CRMP1: variants seen among roughly 807,000 people sequenced by gnomAD.
CRMP1 encodes the protein dihydropyrimidinase-related protein 1.
CRMP1 carries 19 observed loss-of-function variants against 68.3 expected under a neutral mutation model. That is an observed-to-expected ratio of 0.28 (90% CI 0.19 to 0.41). The LOEUF is 0.41. CRMP1 is among the 10% of genes least tolerant of loss of function. The pLI, the probability that CRMP1 is intolerant of heterozygous loss-of-function variation, is 1.00. For missense variants in CRMP1, 791 were observed against 967.4 expected, an observed-to-expected ratio of 0.82 and a Z score of 2.42; for synonymous variants, 439 against 399.6, an observed-to-expected ratio of 1.10 and a Z score of -1.18.
chr4:5,833,969 C>T (rs1720552758), intron 11 of CRMP1, among the ~76,000 whole-genome samples: 1 of 152,182 alleles, frequency 6.6e-6, no homozygotes, highest in Non-Finnish European at 1.5e-5. Context: ...TGGCGTGAAC[C>T]CGGGAGGCGG....
rs1248558097 is a variant in CRMP1 at position 5,861,391 on chromosome 4, G to A, written c.471-181C>T. Among the ~76,000 whole-genome samples, 2 of 152,208 alleles carry A rather than the reference G, an allele frequency of 1.3e-5. No individual in the cohort carries two copies. The highest frequency in any genetic ancestry group is 2.9e-5 in the Non-Finnish European group (2 of 68,038). Reference sequence around the variant, plus strand: ...CAAGGGGCTCATAGTCTAATAGGACGTAAGACAGGTGGGCAGACTGTTAGA... The same window carrying A: ...CAAGGGGCTCATAGTCTAATAGGACATAAGACAGGTGGGCAGACTGTTAGA... On this transcript the variant is annotated intron_variant, in intron 2 of 13. Transcript: ENST00000324989. The surrounding 1 kb of genome is among the most constrained non-coding windows in gnomAD (Gnocchi z 6.0).
chr4:5,856,732 G>A (rs954144756), intron 3 of CRMP1, among the ~76,000 whole-genome samples: 9 of 147,668 alleles, frequency 6.1e-5, no homozygotes, highest in African/African-American at 1.3e-4. Flanking sequence ...TATCATTATC[G>A]CTCATCACTA....
rs1050589717 is a variant in CRMP1, at chr4:5,866,006, C to T, written c.470+662G>A. The stretch of plus-strand genomic sequence containing the variant: ...CTGACGGCAGCTTGATCCGGGACTT[C>T]CAGCCTCCAGAACTATGAGAAATAA... On this transcript the variant is annotated intron_variant, in intron 2 of 13. Transcript: ENST00000324989. The surrounding 1 kb of genome is among the most constrained non-coding windows in gnomAD (Gnocchi z 5.9). 2.0e-5 allele frequency among the ~76,000 whole-genome samples: 3 copies of T among 152,178 alleles called. No homozygotes were observed. Among genetic ancestry groups the T allele is most frequent in the African/African-American group, 7.2e-5 (3 of 41,442 alleles).
chr4:5,873,259 C>G (rs1714587391), intron 1 of CRMP1, among the ~76,000 whole-genome samples: 1 of 152,166 alleles, frequency 6.6e-6, no homozygotes, highest in South Asian at 2.1e-4. Context: ...AGCATTCCCT[C>G]TAAGCTTAGA....
At chr4:5,832,917 CA>C (rs1031360930) in intron 11 of CRMP1, among the ~76,000 whole-genome samples, 45 of 152,258 alleles carry the variant, frequency 3.0e-4, no homozygotes, top group African/African-American at 1.1e-3. Context: ...AAGATGAGGT[CA>C]CATTGGGGTG....
chr4:5,887,298 G>A, intron 1 of CRMP1: 1 of 945,370 alleles, frequency 1.1e-6, no homozygotes. Flanking sequence ...TGAGCAGGCT[G>A]GGTCTCCAGT....
At chr4:5,863,844 C>T (rs912192859) in intron 2 of CRMP1, among the ~76,000 whole-genome samples, 3 of 152,140 alleles carry the variant, frequency 2.0e-5, no homozygotes, top group Non-Finnish European at 4.4e-5. Flanking sequence ...AGGTGGTCCC[C>T]GGCTCTTCCA....
chr4:5,875,648 A>G (rs1371695777), intron 1 of CRMP1, among the ~76,000 whole-genome samples: 1 of 152,098 alleles, frequency 6.6e-6, no homozygotes, highest in Non-Finnish European at 1.5e-5. Flanking sequence ...AGCCAAATAA[A>G]CATTAGATAC....
rs1455459944 is a variant in CRMP1, at chr4:5,889,059, A to T, written c.381+3530T>A. Reference sequence around the variant, plus strand: ...TCTCCCTGAATAGTCTACCCCAGACAAAAGCCTGTCCACTCCCCTAGACCC... The same window carrying T: ...TCTCCCTGAATAGTCTACCCCAGACTAAAGCCTGTCCACTCCCCTAGACCC... On this transcript the variant is annotated intron_variant, in intron 1 of 13. Transcript: ENST00000324989. The surrounding 1 kb of genome is among the most constrained non-coding windows in gnomAD (Gnocchi z 4.5). Among the ~76,000 whole-genome samples the T allele has an allele frequency of 2.0e-5, 3 of 152,122 alleles. No individual in the cohort carries two copies. The East Asian group carries it at 5.8e-4, about 30-fold the overall frequency.
At chr4:5,830,575 C>T (rs901022672) in intron 11 of CRMP1, among the ~76,000 whole-genome samples, 2 of 152,214 alleles carry the variant, frequency 1.3e-5, no homozygotes, top group African/African-American at 4.8e-5. Flanking sequence ...TGTTCTAACA[C>T]AATTGGATGA....
chr4:5,846,135 A>C (rs1394887110), intron 6 of CRMP1, among the ~76,000 whole-genome samples: 1 of 152,142 alleles, frequency 6.6e-6, no homozygotes, highest in East Asian at 1.9e-4. Flanking sequence ...ATCACTACTA[A>C]AAATACAAAA....
At chr4:5,847,359 G>C (rs1560499444) in intron 6 of CRMP1, among the ~76,000 whole-genome samples, 1 of 152,166 alleles carries the variant, frequency 6.6e-6, no homozygotes, top group Non-Finnish European at 1.5e-5. Context: ...AGAACCATGG[G>C]AAGGGGTGAT....
rs1455565252 is a variant in CRMP1 at position 5,890,426 on chromosome 4, G to A, written c.381+2163C>T. 2.0e-5 allele frequency among the ~76,000 whole-genome samples: 3 copies of A among 152,278 alleles called. No homozygotes were observed. The highest frequency in any genetic ancestry group is 4.8e-5 in the African/African-American group (2 of 41,584). ...AGCCCAGGGAGAAGCCTGGTGGGCG[G>A]GGGGGGAAGGGCCGGGGCACCCGTT... On this transcript the variant is annotated intron_variant, in intron 1 of 13. Transcript: ENST00000324989. The surrounding 1 kb of genome is among the most constrained non-coding windows in gnomAD (Gnocchi z 5.5).
intron 1 of CRMP1, among the ~76,000 whole-genome samples, chr4:5,871,946 C>T (rs1448663781): frequency 6.6e-6 from 1 of 152,186 alleles, no homozygotes; most frequent in African/African-American, 2.4e-5. Context: ...TCTGATCCCA[C>T]CTCGCAGGGA....
intron 13 of CRMP1, chr4:5,824,418 T>C (rs1719198745): frequency 1.0e-6 from 1 of 985,262 alleles, no homozygotes; most frequent in African/African-American, 1.7e-5. Flanking sequence ...GCATAATCAC[T>C]GAATCAGACA....
intron 6 of CRMP1, among the ~76,000 whole-genome samples, chr4:5,847,279 C>T (rs760827498): frequency 1.3e-5 from 2 of 152,206 alleles, no homozygotes; most frequent in South Asian, 4.1e-4. Context: ...CAAGGAGCCT[C>T]ATCCACACCT....
intron 6 of CRMP1, among the ~76,000 whole-genome samples, chr4:5,847,430 T>C (rs1272845137): frequency 6.6e-6 from 1 of 152,114 alleles, no homozygotes; most frequent in East Asian, 1.9e-4. Flanking sequence ...TGGGAGGAAG[T>C]CTCAGATGTG....
At chr4:5,824,895 A>G (rs1174668393) in intron 13 of CRMP1, 1 of 985,272 alleles carries the variant, frequency 1.0e-6, no homozygotes, top group Non-Finnish European at 1.2e-6. Context: ...TGAGACCTTA[A>G]GAAAGTCAGG....
chr4:5,844,995 G>A (rs139731917), intron 6 of CRMP1, among the ~76,000 whole-genome samples: 28 of 152,326 alleles, frequency 1.8e-4, no homozygotes, highest in Middle Eastern at 3.4e-3. Context: ...GTGCAGATTC[G>A]TGCGGTGGAA....
Sources: allele counts gnomAD v4.1 joint callset (sites outside exome capture counted in the v4.1 genomes callset), GRCh38; gene constraint gnomAD v4.1.1; non-coding constraint Gnocchi (gnomAD v3.1); transcripts MANE v1.5; gene names NCBI Gene and HGNC (gene_info 2026-07-23, HGNC 2026-07-21).